The following NPTX2 variants were observed in gnomAD, a reference collection of about 807,000 sequenced individuals.
The protein encoded by NPTX2 is neuronal pentraxin-2.
In NPTX2, 23 loss-of-function variants were observed where a neutral mutation model predicts 38.1. The observed-to-expected ratio is 0.60, with a 90% CI of 0.43 to 0.85. The LOEUF (loss-of-function observed/expected upper bound fraction) is 0.85, where lower values mean the gene tolerates loss of function less well. NPTX2 is among the 40% of genes least tolerant of loss of function. The pLI, the probability that NPTX2 is intolerant of heterozygous loss-of-function variation, is 0.00. For missense variants in NPTX2, 553 were observed against 615.3 expected, an observed-to-expected ratio of 0.90 and a Z score of 1.07; for synonymous variants, 291 against 287.3, an observed-to-expected ratio of 1.01 and a Z score of -0.13.
At chr7:98,617,912 G>T (rs1479036285) in intron 1 of NPTX2, 25 bp downstream of exon 1, 2 of 1,539,866 alleles carry the variant, frequency 1.3e-6, no homozygotes, top group Non-Finnish European at 1.7e-6. Context: ...GGAGCGCGGG[G>T]GACCTGGAAT....
chr7:98,624,417 C>T (rs1791313265), intron 2 of NPTX2, among the ~76,000 whole-genome samples: 1 of 152,148 alleles, frequency 6.6e-6, no homozygotes, highest in Non-Finnish European at 1.5e-5. Context: ...TTCTAGATTT[C>T]AAGAGGCCTC....
chr7:98,620,005 C>T (rs1791248954), intron 2 of NPTX2, 146 bp downstream of exon 2: 4 of 707,432 alleles, frequency 5.7e-6, no homozygotes, highest in Middle Eastern at 3.9e-4. Flanking sequence ...ATAAAGGCGA[C>T]TGAACAAGGT....
chr7:98,618,594 G>GCC (rs1791219979), intron 1 of NPTX2, among the ~76,000 whole-genome samples: 2 of 10,744 alleles, frequency 1.9e-4, no homozygotes, highest in Admixed American at 8.9e-4. Context: ...CTCCCCCTCC[G>GCC]TCCCCCCCCC....
rs756966706 is a variant in NPTX2, at chr7:98,617,805, A to C, written c.344A>C (p.Asp115Ala). 17 of 1,532,462 alleles carry C rather than the reference A, an allele frequency of 1.1e-5. No homozygotes were observed. The highest frequency in any genetic ancestry group is 1.4e-5 in the African/African-American group (1 of 71,788). The allele number at this position is 1,532,462 out of a possible 1,614,324, so 94.9% of individuals were successfully genotyped here. The change falls in exon 1 of 5, where the codon GAC becomes GCC. Residue 115 changes from aspartate (D) to alanine (A), a missense_variant. Transcript: ENST00000265634. ...GCCACGGGCAAGGACACTATGGGCG[A>C]CCTGCCGCGGGACCCCGGCCACGTC... ...AGATGKDTMG[D>A]LPRDPGHVVE...
intron 1 of NPTX2, among the ~76,000 whole-genome samples, chr7:98,619,252 C>G (rs1791231464): frequency 6.6e-6 from 1 of 152,052 alleles, no homozygotes; most frequent in Non-Finnish European, 1.5e-5. Context: ...GTTTTCATTT[C>G]TAGGTGAAAG....
intron 4 of NPTX2, 144 bp from the exon 5 acceptor site, chr7:98,628,258 G>T (rs1160470612): frequency 1.8e-6 from 1 of 570,266 alleles, no homozygotes. Flanking sequence ...TGACATGCCT[G>T]GGAGCTTCAG....
Position 98,617,583 on chromosome 7 carries a change from G to T in NPTX2, c.122G>T (p.Cys41Phe). 1 of 1,483,120 alleles carries T rather than the reference G, an allele frequency of 6.7e-7. No homozygotes were observed. Among genetic ancestry groups the T allele is most frequent in the Non-Finnish European group, 8.9e-7 (1 of 1,124,238 alleles). 91.9% of individuals were successfully genotyped at this position (1,483,120 alleles called of 1,614,324 possible). ...CCCCCAGAGGCGGTGCACGCCGGCT[G>T]CCCGCTGCCCGCGATGCCCATGCAG... ...ALPPEAVHAG[C>F]PLPAMPMQGG... Residue 41 changes from cysteine (C) to phenylalanine (F), a missense_variant, in exon 1 of 5, where the codon TGC (cysteine) becomes TTC (phenylalanine). Cys to Phe is a radical substitution (Grantham distance 205). Coordinates refer to ENST00000265634, the MANE Select transcript of NPTX2 (RefSeq NM_002523.3).
At chr7:98,627,612 GCAGGGAC>G (rs1791374982) in intron 4 of NPTX2, among the ~76,000 whole-genome samples, 1 of 152,200 alleles carries the variant, frequency 6.6e-6, no homozygotes. Flanking sequence ...GGCCTGCATG[GCAGGGAC>G]CAGGTGGGTG....
At chr7:98,621,793 T>G (rs1451149343) in intron 2 of NPTX2, among the ~76,000 whole-genome samples, 1 of 152,192 alleles carries the variant, frequency 6.6e-6, no homozygotes, top group African/African-American at 2.4e-5. Context: ...TAGGGATTAG[T>G]TCAGACGAGG....
At chr7:98,628,325 A>G (rs1791386652) in intron 4 of NPTX2, 77 bp from the exon 5 acceptor site, 1 of 692,474 alleles carries the variant, frequency 1.4e-6, no homozygotes, top group Non-Finnish European at 2.6e-6. Context: ...GAAATGCCCA[A>G]ATCTCCTGTC....
At chr7:98,619,963 A>C in intron 2 of NPTX2, 104 bp downstream of exon 2, 1 of 1,006,770 alleles carries the variant, frequency 9.9e-7, no homozygotes, top group East Asian at 2.6e-5. Flanking sequence ...GTGACACCAC[A>C]TGGGCCTGGT....
At chr7:98,622,552 A>T (rs1205749686) in intron 2 of NPTX2, among the ~76,000 whole-genome samples, 1 of 152,238 alleles carries the variant, frequency 6.6e-6, no homozygotes, top group Non-Finnish European at 1.5e-5. Context: ...CTGGCCTGTC[A>T]TTCACTAGCT....
Position 98,617,859 on chromosome 7 carries a change from C to A in NPTX2, c.398C>A (p.Thr133Asn). 1 of 1,556,772 alleles carries A rather than the reference C, an allele frequency of 6.4e-7. No homozygotes were observed. Among genetic ancestry groups the A allele is most frequent in the Non-Finnish European group, 8.6e-7 (1 of 1,159,654 alleles). ...GAGCAGCTCAGCCGCTCGCTGCAGA[C>A]CCTCAAGGACCGCCTGGAGAGCCTC... The part of the protein sequence containing the change: ...VVEQLSRSLQ[T>N]LKDRLESLEH... The change falls in exon 1 of 5, where the codon ACC (threonine) becomes AAC (asparagine). Residue 133 changes from threonine (T) to asparagine (N), a missense_variant. Thr to Asn is a moderately conservative substitution (Grantham distance 65, BLOSUM62 0). Transcript: ENST00000265634.
intron 3 of NPTX2, among the ~76,000 whole-genome samples, chr7:98,626,313 C>A (rs563175983): frequency 6.6e-6 from 1 of 152,074 alleles, no homozygotes; most frequent in Admixed American, 6.5e-5. Flanking sequence ...CCCTGCCACC[C>A]GGGCCACCCC....
chr7:98,617,983 TG>T, intron 1 of NPTX2, 96 bp downstream of exon 1: 1 of 1,286,200 alleles, frequency 7.8e-7, no homozygotes, highest in Non-Finnish European at 1.0e-6. Flanking sequence ...GGCCTGGCCC[TG>T]GGGAGGGTGT....
At position 98,622,521 on chromosome 7, in the gene NPTX2, G is replaced by T. The variant is rs183063529; in HGVS notation, c.644-2401G>T. Among the ~76,000 whole-genome samples, 9 of 152,342 alleles carry T rather than the reference G, an allele frequency of 5.9e-5. No individual in the cohort carries two copies. The East Asian group carries it at 1.7e-3, about 29-fold the overall frequency. ...TTAAGTGTGAGTGGCTAAGTGTCGT[G>T]GAAAGAGGGACTTCCGGCCCCTGGC... On this transcript the variant is annotated intron_variant, in intron 2 of 4. Transcript: ENST00000265634.
At chr7:98,623,466 G>A (rs1393571409) in intron 2 of NPTX2, among the ~76,000 whole-genome samples, 1 of 152,178 alleles carries the variant, frequency 6.6e-6, no homozygotes, top group Non-Finnish European at 1.5e-5. Flanking sequence ...ACCAATTCCA[G>A]GAAGGTCTGG....
chr7:98,618,773 G>A (rs906728590), intron 1 of NPTX2, among the ~76,000 whole-genome samples: 5 of 151,884 alleles, frequency 3.3e-5, no homozygotes, highest in African/African-American at 1.2e-4. Flanking sequence ...AGCAAAACTA[G>A]GTTTAAATTA....
intron 1 of NPTX2, among the ~76,000 whole-genome samples, chr7:98,618,428 ACCGGCGACC>A (rs1791212241): frequency 1.3e-5 from 2 of 152,120 alleles, no homozygotes; most frequent in Non-Finnish European, 2.9e-5. Context: ...GCAGGGGGTC[ACCGGCGACC>A]CCAGAGCGCG....
Sources: gnomAD v4.1 joint callset for allele counts (sites outside exome capture counted in the v4.1 genomes callset) on GRCh38, gnomAD v4.1.1 for gene constraint, MANE v1.5 for transcripts, NCBI Gene and HGNC (gene_info 2026-07-23, HGNC 2026-07-21) for gene names.